Variants in SFMBT2 observed in about 807,000 individuals in gnomAD.
SFMBT2 encodes scm-like with four MBT domains protein 2.
SFMBT2 carries 38 observed loss-of-function variants against 110.1 expected under a neutral mutation model. The observed-to-expected ratio is 0.35, with a 90% CI of 0.27 to 0.45. SFMBT2 has a LOEUF of 0.45. Ranked by LOEUF, SFMBT2 falls within the 20% of genes least tolerant of loss-of-function variation. The pLI, the probability that SFMBT2 is intolerant of heterozygous loss-of-function variation, is 1.00. For missense variants in SFMBT2, 1,011 were observed against 1,094.9 expected, an observed-to-expected ratio of 0.92 and a Z score of 1.08; for synonymous variants, 425 against 425.4, an observed-to-expected ratio of 1.00 and a Z score of 0.01.
chr10:7,199,545 T>C (rs571900233), intron 14 of SFMBT2, among the ~76,000 whole-genome samples: 2 of 152,244 alleles, frequency 1.3e-5, no homozygotes, highest in Non-Finnish European at 2.9e-5. Context: ...ATTACAATTA[T>C]AGACTATGAA....
Position 7,320,188 on chromosome 10 carries a change from G to A in SFMBT2, c.437-34234C>T, listed in dbSNP as rs748349320. 1.3e-5 allele frequency among the ~76,000 whole-genome samples: 2 copies of A among 152,322 alleles called. 1 individual carries two copies. Among genetic ancestry groups the A allele is most frequent in the African/African-American group, 4.8e-5 (2 of 41,570 alleles). On this transcript the variant is annotated intron_variant, in intron 4 of 20. Coordinates refer to ENST00000397167, the MANE Select transcript of SFMBT2 (RefSeq NM_001387889.1). ...TACTTTAATACACTGTCATACATGC[G>A]AAGTGATTTAAATTCACTCAAGTTG...
In SFMBT2 at chr10:7,205,804, G is replaced by C; in HGVS notation, c.1444+11C>G. ...GTGTCATCCACCCCCCCTCAACTGG[G>C]AACCACTTACAGACTGTTTTGTGTG... is the stretch of plus-strand genomic sequence containing the variant. On this transcript the variant is annotated intron_variant, in intron 12 of 20. Coordinates refer to ENST00000397167, the MANE Select transcript of SFMBT2 (RefSeq NM_001387889.1). The C allele has an allele frequency of 6.2e-7, 1 of 1,611,434 alleles. No homozygotes were observed. Among genetic ancestry groups the C allele is most frequent in the Non-Finnish European group, 8.5e-7 (1 of 1,178,234 alleles).
At chr10:7,274,091 A>G (rs1399930529) in intron 7 of SFMBT2, among the ~76,000 whole-genome samples, 2 of 152,200 alleles carry the variant, frequency 1.3e-5, no homozygotes, top group Non-Finnish European at 2.9e-5. Flanking sequence ...ATGGAATACT[A>G]TGCAGCCCCT....
At chr10:7,259,928 C>T (rs1841141730) in intron 7 of SFMBT2, among the ~76,000 whole-genome samples, 1 of 152,228 alleles carries the variant, frequency 6.6e-6, no homozygotes, top group South Asian at 2.1e-4. Flanking sequence ...ACACTGCAGA[C>T]CTGGTGCTGC....
chr10:7,215,525 A>G (rs1839505448), intron 11 of SFMBT2: 2 of 984,930 alleles, frequency 2.0e-6, no homozygotes, highest in African/African-American at 3.5e-5. Context: ...TGTTTTATCC[A>G]ACACTGTACA....
intron 11 of SFMBT2, among the ~76,000 whole-genome samples, chr10:7,211,027 T>A (rs1194134452): frequency 6.6e-6 from 1 of 151,894 alleles, no homozygotes; most frequent in Admixed American, 6.6e-5. Flanking sequence ...AGATACGGGG[T>A]GTTTTCATCC....
intron 12 of SFMBT2, chr10:7,204,562 C>T: frequency 1.1e-6 from 1 of 874,900 alleles, no homozygotes; most frequent in Non-Finnish European, 1.4e-6. Flanking sequence ...CATTTTGTGA[C>T]AATAACCTAC....
At chr10:7,236,920 A>G (rs1840275767) in intron 9 of SFMBT2, among the ~76,000 whole-genome samples, 1 of 152,236 alleles carries the variant, frequency 6.6e-6, no homozygotes, top group Admixed American at 6.5e-5. Context: ...TACGATCAAA[A>G]GAAAATGGGC....
At chr10:7,386,589 C>T (rs759005153) in intron 1 of SFMBT2, among the ~76,000 whole-genome samples, 3 of 150,892 alleles carry the variant, frequency 2.0e-5, no homozygotes, top group Non-Finnish European at 4.4e-5. Context: ...GCCTAGGAGT[C>T]GGAGCAAAAA....
chr10:7,289,804 T>C (rs1435300252), intron 4 of SFMBT2, among the ~76,000 whole-genome samples: 1 of 152,198 alleles, frequency 6.6e-6, no homozygotes, highest in Non-Finnish European at 1.5e-5. Flanking sequence ...TCCTAGACCA[T>C]GGAGTTACCT....
At chr10:7,272,215 A>G (rs1255749642) in intron 7 of SFMBT2, among the ~76,000 whole-genome samples, 1 of 152,058 alleles carries the variant, frequency 6.6e-6, no homozygotes, top group Non-Finnish European at 1.5e-5. Context: ...CAGGCTGAAA[A>G]CCCACATTCA....
intron 4 of SFMBT2, among the ~76,000 whole-genome samples, chr10:7,288,853 A>AC (rs55956728): frequency 0.025 from 3,408 of 137,920 alleles, 53 homozygotes; most frequent in South Asian, 0.073. Context: ...ATATGGTGAA[A>AC]CCCCCCCCCC....
rs1841156779 is a variant in SFMBT2 at position 7,260,430 on chromosome 10, A to G, written c.871-11781T>C. Among the ~76,000 whole-genome samples the G allele has an allele frequency of 2.0e-5, 3 of 152,242 alleles. No homozygotes were observed. In the South Asian group the frequency reaches 6.2e-4, roughly 32 times the overall value. ...CTCCTCCTTCCACACCCTAAATATG[A>G]CAGCTTTCCCCAGTCCAGCTCCTCC... On this transcript the variant is annotated intron_variant, in intron 7 of 20. Coordinates refer to ENST00000397167, the MANE Select transcript of SFMBT2 (RefSeq NM_001387889.1).
At chr10:7,342,585 A>T (rs567939596) in intron 4 of SFMBT2, among the ~76,000 whole-genome samples, 2 of 151,356 alleles carry the variant, frequency 1.3e-5, no homozygotes, top group Non-Finnish European at 2.9e-5. Flanking sequence ...ATATTTTTGA[A>T]TTTTTAATAG....
At chr10:7,216,819 C>G (rs762626943) in intron 11 of SFMBT2, among the ~76,000 whole-genome samples, 3 of 152,164 alleles carry the variant, frequency 2.0e-5, no homozygotes, top group Non-Finnish European at 4.4e-5. Flanking sequence ...CCTTCCAAAC[C>G]TGTTCTTCCT....
intron 4 of SFMBT2, among the ~76,000 whole-genome samples, chr10:7,342,554 A>G (rs924480214): frequency 1.0e-3 from 156 of 151,696 alleles, no homozygotes; most frequent in African/African-American, 3.0e-3. Flanking sequence ...GACTACAGGC[A>G]CCCGCCACCG....
intron 4 of SFMBT2, among the ~76,000 whole-genome samples, chr10:7,366,372 A>C (rs1844899415): frequency 6.6e-6 from 1 of 151,932 alleles, no homozygotes; most frequent in Admixed American, 6.6e-5. Context: ...TACACCTAAC[A>C]AAGGGTAATT....
intron 4 of SFMBT2, among the ~76,000 whole-genome samples, chr10:7,333,104 T>C (rs1328562082): frequency 6.6e-6 from 1 of 152,156 alleles, no homozygotes; most frequent in Non-Finnish European, 1.5e-5. Context: ...TGAACTCAGG[T>C]GATCCGCCCA....
intron 4 of SFMBT2, among the ~76,000 whole-genome samples, chr10:7,298,590 T>C (rs1842472192): frequency 1.3e-5 from 2 of 152,168 alleles, no homozygotes; most frequent in South Asian, 4.1e-4. Context: ...CTGTGAAATA[T>C]GTGTGAGTGT....
Sources: allele counts gnomAD v4.1 joint callset (sites outside exome capture counted in the v4.1 genomes callset), GRCh38; gene constraint gnomAD v4.1.1; transcripts MANE v1.5; gene names NCBI Gene and HGNC (gene_info 2026-07-23, HGNC 2026-07-21).